The following ZFP64 variants were observed in gnomAD, a reference collection of about 807,000 sequenced individuals.
ZFP64 encodes zinc finger protein 64.
Under a neutral mutation model 51.6 loss-of-function variants are expected in ZFP64, and 14 were observed. The observed-to-expected ratio is 0.27, with a 90% CI of 0.18 to 0.42. The LOEUF is 0.42. Ranked by LOEUF, ZFP64 falls within the 10% of genes least tolerant of loss-of-function variation. The probability of loss-of-function intolerance (pLI) is 1.00; values close to 1 mark genes in which losing one functional copy is unlikely to be tolerated. For synonymous variants in ZFP64, 375 were observed against 361.4 expected, an observed-to-expected ratio of 1.04 and a Z score of -0.43; for missense variants, 754 against 906.8, an observed-to-expected ratio of 0.83 and a Z score of 2.16.
At chr20:52,132,628 G>C (rs1184788615) in intron 5 of ZFP64, among the ~76,000 whole-genome samples, 1 of 152,054 alleles carries the variant, frequency 6.6e-6, no homozygotes, top group Non-Finnish European at 1.5e-5. Context: ...CAAATTCCTA[G>C]ACACAAACAG....
chr20:52,089,303 G>A (rs189246530), intron 7 of ZFP64, among the ~76,000 whole-genome samples: 7 of 152,236 alleles, frequency 4.6e-5, no homozygotes, highest in African/African-American at 9.6e-5. Context: ...AGCAAAGGGA[G>A]GAAATGAAAT....
chr20:52,149,283 A>G (rs1219391488), downstream of ZFP64, among the ~76,000 whole-genome samples: 2 of 147,024 alleles, frequency 1.4e-5, no homozygotes, highest in Admixed American at 1.4e-4. Flanking sequence ...AGAAAAAAAA[A>G]AAAAAAAAGC....
chr20:52,153,334 A>T lies in ZFP64; in HGVS notation c.858T>A (p.Pro286=). 1 of 1,614,170 alleles carries T rather than the reference A, an allele frequency of 6.2e-7. No homozygotes were observed. The highest frequency in any genetic ancestry group is 8.5e-7 in the Non-Finnish European group (1 of 1,180,042). ...GGACATTGCAGAACTCGCACTTGAA[A>T]GGCTTCTCCCCCGAGTGCACCCGCA... ...RHMRVHSGEK[P]FKCEFCNVRC... The change falls in exon 6 of 6, where the codon CCT becomes CCA. Residue 286 remains proline (P), a synonymous_variant. Coordinates refer to ENST00000216923, the MANE Select transcript of ZFP64 (RefSeq NM_018197.3). The surrounding 1 kb of genome is among the most constrained non-coding windows in gnomAD (Gnocchi z 5.1).
downstream of ZFP64, among the ~76,000 whole-genome samples, chr20:52,150,046 A>C (rs1318556789): frequency 6.6e-6 from 1 of 152,070 alleles, no homozygotes; most frequent in Non-Finnish European, 1.5e-5. Context: ...TCTACTAAAA[A>C]TACAAAAAAT....
rs372511559 is a variant in ZFP64 at position 52,171,974 on chromosome 20, C to T, written c.287-5949G>A. Among the ~76,000 whole-genome samples the T allele has an allele frequency of 2.4e-4, 36 of 152,196 alleles. 2 individuals are homozygous for T. The East Asian group carries it at 2.5e-3, about 11-fold the overall frequency. On this transcript the variant is annotated intron_variant, in intron 2 of 5. Coordinates refer to ENST00000216923, the MANE Select transcript of ZFP64 (RefSeq NM_018197.3). ...TGTTGGCCAGGCTGGTCTCACACTC[C>T]TGCCTCAGGTGATGTGCCCGCCTCG...
chr20:52,136,105 A>AG (rs1363802282), intron 5 of ZFP64, among the ~76,000 whole-genome samples: 6 of 149,978 alleles, frequency 4.0e-5, no homozygotes, highest in African/African-American at 1.5e-4. Context: ...TCAAAAAAAA[A>AG]AAAAAAAAAA....
At position 52,164,725 on chromosome 20, in the gene ZFP64, C is replaced by A; in HGVS notation, c.481G>T (p.Asp161Tyr). Reference sequence around the variant, plus strand: ...TGAATTTTTAAATGCCGCTCCATGTCCTTCATGCCATAAGCAGTCTTGAAT... The same window carrying A: ...TGAATTTTTAAATGCCGCTCCATGTACTTCATGCCATAAGCAGTCTTGAAT... ...CQFKTAYGMK[D>Y]MERHLKIHTG... The change falls in exon 4 of 6, where the codon GAC (aspartate) becomes TAC (tyrosine). Residue 161 changes from aspartate to tyrosine, a missense_variant. Around this residue, in one of 3 missense-constraint regions of ZFP64, gnomAD observed 231 missense variants for 336.7 expected, o/e 0.69. Transcript: ENST00000216923. 1 of 1,613,422 alleles carries A rather than the reference C, an allele frequency of 6.2e-7. No individual in the cohort carries two copies. The highest frequency in any genetic ancestry group is 8.5e-7 in the Non-Finnish European group (1 of 1,179,908).
At chr20:52,137,329 G>T (rs899973379) in intron 5 of ZFP64, among the ~76,000 whole-genome samples, 1 of 152,030 alleles carries the variant, frequency 6.6e-6, no homozygotes, top group Non-Finnish European at 1.5e-5. Context: ...CCATCATTTT[G>T]TCTCAACTTT....
chr20:52,105,422 G>A, intron 5 of ZFP64: 1 of 1,207,482 alleles, frequency 8.3e-7, no homozygotes, highest in Non-Finnish European at 1.0e-6. Flanking sequence ...AAGACCCCAG[G>A]AGTCCCGCGG....
At chr20:52,164,065 C>T (rs931629792) in intron 4 of ZFP64, among the ~76,000 whole-genome samples, 2 of 152,106 alleles carry the variant, frequency 1.3e-5, no homozygotes, top group South Asian at 4.1e-4. Context: ...AAACCTAGCA[C>T]TTTGGGAAGG....
chr20:52,177,256 A>AT (rs1401491010), intron 2 of ZFP64, among the ~76,000 whole-genome samples: 3 of 151,922 alleles, frequency 2.0e-5, no homozygotes, highest in Non-Finnish European at 2.9e-5. Context: ...TTTCCAGGTA[A>AT]TTTTTTGCAC....
chr20:52,152,120 C>A lies in ZFP64; in HGVS notation c.*26G>T, dbSNP rs753827623. ...AGATTTCTTTTTCTCAATTCCTTTC[C>A]CCCACTCCTTTTGTTTTTTTAAGCA... On this transcript the variant is annotated 3_prime_UTR_variant, in exon 6 of 6. Transcript: ENST00000216923. The A allele has an allele frequency of 1.0e-5, 16 of 1,581,504 alleles. No homozygotes were observed. Among genetic ancestry groups the A allele is most frequent in the Non-Finnish European group, 6.0e-6 (7 of 1,161,092 alleles).
Position 52,098,548 on chromosome 20 carries a change from A to T in ZFP64, c.803T>A (p.Leu268His), listed in dbSNP as rs559973518. 2.5e-6 allele frequency: 4 copies of T among 1,614,054 alleles called. No homozygotes were observed. The South Asian group carries it at 4.4e-5, about 18-fold the overall frequency. The change falls in exon 6 of 9, where the codon CTC (leucine) becomes CAC (histidine). Residue 268 changes from leucine (L) to histidine (H), a missense_variant. By Grantham distance (99) the Leu-to-His change is moderately conservative. Coordinates refer to the ZFP64 transcript ENST00000361387. ...CGGAGTGTCAGTGCTTTCAGTGGAGAGGCAGTTTGCTTTTGGAACATCATC... is the reference window on the plus strand; with the variant it reads ...CGGAGTGTCAGTGCTTTCAGTGGAGTGGCAGTTTGCTTTTGGAACATCATC...
Position 52,176,505 on chromosome 20 carries a change from C to CTTTTTTTTTTTTTT in ZFP64, c.286+10313_286+10326dup, listed in dbSNP as rs557663780. On this transcript the variant is annotated intron_variant, in intron 2 of 5. Transcript: ENST00000216923. ...ATTTCTAGCTTCTGGTTCAATCTCT[C>CTTTTTTTTTTTTTT]TTTTTTTTTTTTTTTGAGACGGAGT... is the stretch of plus-strand genomic sequence containing the variant. Among the ~76,000 whole-genome samples, 255 of 136,612 alleles carry CTTTTTTTTTTTTTT rather than the reference C, an allele frequency of 1.9e-3. 6 individuals carry two copies. The highest frequency in any genetic ancestry group is 2.9e-3 in the Non-Finnish European group (182 of 63,170). The allele number at this position is 136,612 out of a possible 152,430, so 89.6% of individuals were successfully genotyped here.
chr20:52,190,208 T>C (rs536227678), intron 1 of ZFP64, among the ~76,000 whole-genome samples: 41 of 152,216 alleles, frequency 2.7e-4, no homozygotes, highest in African/African-American at 9.6e-4. Flanking sequence ...GAGATACCCA[T>C]GGAACTAACA....
chr20:52,120,477 G>A (rs1415778308), intron 5 of ZFP64, among the ~76,000 whole-genome samples: 2 of 152,072 alleles, frequency 1.3e-5, no homozygotes, highest in African/African-American at 2.4e-5. Context: ...TTTATCGCAC[G>A]TCACAGACAC....
intron 5 of ZFP64, among the ~76,000 whole-genome samples, chr20:52,134,383 G>A (rs1022109062): frequency 1.3e-5 from 2 of 152,136 alleles, no homozygotes; most frequent in African/African-American, 4.8e-5. Context: ...CAAATTTGCA[G>A]GTGTTTTACA....
intron 8 of ZFP64, among the ~76,000 whole-genome samples, chr20:52,086,507 T>C (rs930161322): frequency 2.7e-5 from 4 of 149,230 alleles, no homozygotes; most frequent in African/African-American, 9.9e-5. Flanking sequence ...ATACAGAGTC[T>C]CACTCTGTCG....
intron 5 of ZFP64, among the ~76,000 whole-genome samples, chr20:52,133,619 A>C (rs1043407158): frequency 1.3e-5 from 2 of 152,214 alleles, no homozygotes; most frequent in Non-Finnish European, 2.9e-5. Flanking sequence ...CAATAGCCAC[A>C]CACAAAATTA....
Sources: allele counts gnomAD v4.1 joint callset (sites outside exome capture counted in the v4.1 genomes callset), GRCh38; gene constraint gnomAD v4.1.1; regional missense constraint gnomAD v4.1.1; non-coding constraint Gnocchi (gnomAD v3.1); transcripts MANE v1.5; gene names NCBI Gene and HGNC (gene_info 2026-07-23, HGNC 2026-07-21).